Variants in DCAF7 observed in about 807,000 individuals in gnomAD.
The protein encoded by DCAF7 is DDB1 and CUL4 associated factor 7.
In DCAF7, 4 loss-of-function variants were observed where a neutral mutation model predicts 41.2. The ratio of observed to expected loss-of-function variants is 0.10; its 90% CI spans 0.05 to 0.22. The LOEUF (loss-of-function observed/expected upper bound fraction) is 0.22, where lower values mean the gene tolerates loss of function less well. DCAF7 is among the 10% of genes least tolerant of loss of function. The probability of loss-of-function intolerance (pLI) is 1.00; values close to 1 mark genes in which losing one functional copy is unlikely to be tolerated. For synonymous variants in DCAF7, 143 were observed against 164.2 expected, an observed-to-expected ratio of 0.87 and a Z score of 0.99; for missense variants, 131 against 443.2, an observed-to-expected ratio of 0.30 and a Z score of 6.32.
At chr17:63,553,227 C>T (rs2033276073) in intron 1 of DCAF7, among the ~76,000 whole-genome samples, 1 of 151,994 alleles carries the variant, frequency 6.6e-6, no homozygotes, top group Admixed American at 6.6e-5. Context: ...GAAATGGTGA[C>T]AAGGGTAAAC....
At chr17:63,588,249 A>G (rs1318222029) in intron 6 of DCAF7, among the ~76,000 whole-genome samples, 1 of 136,556 alleles carries the variant, frequency 7.3e-6, no homozygotes, top group Non-Finnish European at 1.5e-5. Context: ...GTGCGGTGGT[A>G]TGATCTCGGC....
Position 63,550,920 on chromosome 17 carries a change from TA to T in DCAF7, c.138+106del, listed in dbSNP as rs1222477781. On this transcript the variant is annotated intron_variant, in intron 1 of 6. Transcript: ENST00000614556. This position sits in a 1 kb window ranked among gnomAD's most constrained non-coding sequence, Gnocchi z 4.8. ...TCAGAACCCTCTTGCGGACTCGCCC[TA>T]GGGCCACGGAGCGGTTCCTCTGTCT... The T allele has an allele frequency of 1.3e-5, 20 of 1,484,936 alleles. No homozygotes were observed. Among genetic ancestry groups the T allele is most frequent in the Non-Finnish European group, 1.7e-5 (19 of 1,115,240 alleles). 92.0% of individuals were successfully genotyped at this position (1,484,936 alleles called of 1,614,324 possible).
intron 6 of DCAF7, among the ~76,000 whole-genome samples, chr17:63,586,018 A>C (rs899189601): frequency 6.7e-6 from 1 of 149,250 alleles, no homozygotes; most frequent in Admixed American, 6.7e-5. Context: ...CAAGCTACTT[A>C]GGAGGCTGAG....
chr17:63,568,143 C>T (rs1353345097), intron 1 of DCAF7, among the ~76,000 whole-genome samples: 3 of 152,158 alleles, frequency 2.0e-5, no homozygotes, highest in Non-Finnish European at 2.9e-5. Flanking sequence ...GCCTCAGCCT[C>T]CCAAGTAGCT....
intron 5 of DCAF7, among the ~76,000 whole-genome samples, chr17:63,584,097 A>G (rs527257250): frequency 6.6e-6 from 1 of 152,372 alleles, no homozygotes; most frequent in South Asian, 2.1e-4. Context: ...GTATGTGCCT[A>G]TGGTGCTGAG....
intron 2 of DCAF7, 97 bp downstream of exon 2, chr17:63,578,725 C>A: frequency 6.6e-7 from 1 of 1,521,184 alleles, no homozygotes; most frequent in Non-Finnish European, 9.0e-7. Context: ...TCAGAGGCAG[C>A]GAGTGTCATT....
Position 63,589,459 on chromosome 17 carries a change from T to A in DCAF7, c.*287T>A, listed in dbSNP as rs572791423. 7.0e-6 allele frequency: 3 copies of A among 429,786 alleles called. No individual in the cohort carries two copies. The highest frequency in any genetic ancestry group is 1.3e-5 in the Non-Finnish European group (3 of 227,084). 26.6% of individuals were successfully genotyped at this position (429,786 alleles called of 1,614,324 possible). On this transcript the variant is annotated 3_prime_UTR_variant, in exon 7 of 7. Coordinates refer to ENST00000614556, the MANE Select transcript of DCAF7 (RefSeq NM_005828.5). ...ATTAAAAAATGTGTGTATATTTGTTTGTCAGGCGTTGTGTTGAGGAGCAGT... is the reference window on the plus strand; with the variant it reads ...ATTAAAAAATGTGTGTATATTTGTTAGTCAGGCGTTGTGTTGAGGAGCAGT...
At chr17:63,560,585 G>A (rs932649830) in intron 1 of DCAF7, among the ~76,000 whole-genome samples, 2 of 152,176 alleles carry the variant, frequency 1.3e-5, no homozygotes, top group African/African-American at 2.4e-5. Flanking sequence ...GTGGTTGTGT[G>A]TAGAAGGGAT....
chr17:63,554,317 G>A (rs2033289224), intron 1 of DCAF7, among the ~76,000 whole-genome samples: 1 of 152,268 alleles, frequency 6.6e-6, no homozygotes, highest in Non-Finnish European at 1.5e-5. Context: ...TTTAGTGTGT[G>A]AGAATCCTGA....
chr17:63,586,164 TA>T (rs1461511396), intron 6 of DCAF7, among the ~76,000 whole-genome samples: 2 of 123,920 alleles, frequency 1.6e-5, no homozygotes, highest in South Asian at 5.4e-4. Flanking sequence ...CCCTTAAAAA[TA>T]TGTTGGGCCA....
At chr17:63,580,889 C>G (rs924730357) in intron 4 of DCAF7, among the ~76,000 whole-genome samples, 152,298 of 152,298 alleles carry the variant, frequency 1, 76,149 homozygotes, top group Non-Finnish European at 1. Context: ...TTTCCTCCTA[C>G]AGCCATTGCA....
intron 1 of DCAF7, among the ~76,000 whole-genome samples, chr17:63,564,136 T>TACATACACACACAC (rs372348109): frequency 4.7e-5 from 7 of 147,972 alleles, no homozygotes; most frequent in Admixed American, 1.4e-4. Flanking sequence ...GTTAACTTTA[T>TACATACACACACAC]ACACACACAC....
At chr17:63,554,581 C>T (rs1368891120) in intron 1 of DCAF7, among the ~76,000 whole-genome samples, 1 of 152,258 alleles carries the variant, frequency 6.6e-6, no homozygotes, top group Non-Finnish European at 1.5e-5. Context: ...AGTCCTGCCA[C>T]TTCCCAGTTT....
chr17:63,568,205 G>C (rs1280664440), intron 1 of DCAF7, among the ~76,000 whole-genome samples: 4 of 151,674 alleles, frequency 2.6e-5, no homozygotes, highest in Non-Finnish European at 4.4e-5. Context: ...ATTTTTAGTA[G>C]AGCCAGGCTG....
rs2033744630 is a variant in DCAF7 at position 63,592,427 on chromosome 17, A to G, written c.*3255A>G. On this transcript the variant is annotated 3_prime_UTR_variant, in exon 7 of 7. Coordinates refer to ENST00000614556, the MANE Select transcript of DCAF7 (RefSeq NM_005828.5). Reference sequence around the variant, plus strand: ...CTCAAAAAATAAAAAAAAAAAAAAAATAGGTGAAAATTCCTTATAAATCCA... The same window carrying G: ...CTCAAAAAATAAAAAAAAAAAAAAAGTAGGTGAAAATTCCTTATAAATCCA... 2 of 151,752 alleles carry G rather than the reference A, an allele frequency of 1.3e-5. No individual in the cohort carries two copies. The highest frequency in any genetic ancestry group is 4.9e-5 in the African/African-American group (2 of 41,236). The allele number at this position is 151,752 out of a possible 1,614,324, so 9.4% of individuals were successfully genotyped here. A position where few individuals can be genotyped will look rare whatever the true frequency, so the allele number is the denominator to read the frequency against.
In DCAF7 at chr17:63,550,517, T is replaced by G. The variant is rs935037701; in HGVS notation, c.-161T>G. ...GCTGGTTTGAAACTAGGGGTCGGGCTCGGCCGTCGTCGTTGTTTGTCGCCG... is the reference window on the plus strand; with the variant it reads ...GCTGGTTTGAAACTAGGGGTCGGGCGCGGCCGTCGTCGTTGTTTGTCGCCG... On this transcript the variant is annotated 5_prime_UTR_variant, in exon 1 of 7. Transcript: ENST00000614556. This position sits in a 1 kb window ranked among gnomAD's most constrained non-coding sequence, Gnocchi z 4.8. 1 of 1,176,428 alleles carries G rather than the reference T, an allele frequency of 8.5e-7. No individual in the cohort carries two copies. Among genetic ancestry groups the G allele is most frequent in the Non-Finnish European group, 1.1e-6 (1 of 870,380 alleles). The allele number at this position is 1,176,428 out of a possible 1,614,324, so 72.9% of individuals were successfully genotyped here.
At chr17:63,586,499 C>G (rs1337942755) in intron 6 of DCAF7, among the ~76,000 whole-genome samples, 1 of 151,988 alleles carries the variant, frequency 6.6e-6, no homozygotes, top group Non-Finnish European at 1.5e-5. Flanking sequence ...GGTGCAGTGG[C>G]TCACATCTGT....
intron 6 of DCAF7, among the ~76,000 whole-genome samples, chr17:63,586,834 A>G (rs953810286): frequency 6.6e-6 from 1 of 152,212 alleles, no homozygotes; most frequent in Non-Finnish European, 1.5e-5. Flanking sequence ...CTGTTATTTA[A>G]ATTGAAAACA....
chr17:63,571,214 T>C (rs1397195363), intron 1 of DCAF7, among the ~76,000 whole-genome samples: 4 of 151,710 alleles, frequency 2.6e-5, no homozygotes, highest in East Asian at 1.9e-4. Flanking sequence ...AAAATTGATA[T>C]ATTGTGTAAA....
Sources: allele counts gnomAD v4.1 joint callset (sites outside exome capture counted in the v4.1 genomes callset), GRCh38; gene constraint gnomAD v4.1.1; non-coding constraint Gnocchi (gnomAD v3.1); transcripts MANE v1.5; gene names NCBI Gene and HGNC (gene_info 2026-07-23, HGNC 2026-07-21).